RAB27A: variants seen among roughly 807,000 people sequenced by gnomAD.
RAB27A encodes the protein RAB27A, member RAS oncogene family, also known as ras-related protein Rab-27A.
A neutral mutation model predicts 20.8 loss-of-function variants in RAB27A; 17 were observed. The ratio of observed to expected loss-of-function variants is 0.82; its 90% confidence interval spans 0.56 to 1.23. The LOEUF is 1.23. RAB27A is among the 50% of genes most tolerant of loss of function. RAB27A has a pLI of 0.00. For missense variants in RAB27A, 277 were observed against 266.7 expected (o/e 1.04, Z -0.27); for synonymous variants, 85 against 92.8 (o/e 0.92, Z 0.48).
At chr15:55,241,600 T>TTCTTTATATATATATATGTGTATA (rs1388634936) in intron 2 of RAB27A, among the ~76,000 whole-genome samples, 10 of 123,874 alleles carry the variant, frequency 8.1e-5, no homozygotes, top group African/African-American at 3.8e-4. Flanking sequence ...CAAGACCTAT[T>TTCTTTATATATATATATGTGTATA]TATATATATA....
intron 1 of RAB27A, among the ~76,000 whole-genome samples, chr15:55,287,144 T>C (rs1377503313): frequency 6.6e-6 from 1 of 152,024 alleles, no homozygotes; most frequent in African/African-American, 2.4e-5. Flanking sequence ...GGTCTTGAAC[T>C]CCTGACCTCA....
intron 6 of RAB27A, among the ~76,000 whole-genome samples, chr15:55,217,965 A>G (rs1435708608): frequency 3.3e-5 from 5 of 152,222 alleles, no homozygotes; most frequent in Non-Finnish European, 5.9e-5. Flanking sequence ...CAAATCAATG[A>G]GAGGGGCATA....
At chr15:55,217,663 CAAAAAAAAAAA>C (rs199813098) in intron 6 of RAB27A, among the ~76,000 whole-genome samples, 93 of 43,542 alleles carry the variant, frequency 2.1e-3, no homozygotes, top group African/African-American at 6.5e-3. Flanking sequence ...CACTCCATCT[CAAAAAAAAAAA>C]AAAAAAAAAA....
At chr15:55,221,087 C>T (rs1895547783) in intron 6 of RAB27A, among the ~76,000 whole-genome samples, 2 of 152,146 alleles carry the variant, frequency 1.3e-5, no homozygotes, top group Admixed American at 1.3e-4. Flanking sequence ...CTCAGATACC[C>T]CATATGACAG....
intron 1 of RAB27A, chr15:55,318,894 C>T: frequency 4.6e-6 from 1 of 217,434 alleles, no homozygotes; most frequent in Non-Finnish European, 9.3e-6. Context: ...CTGACGTCTA[C>T]AATTACCGTT....
At position 55,247,382 on chromosome 15, in the gene RAB27A, G is replaced by GA. The variant is rs753897606; in HGVS notation, c.-22-12427dup. On this transcript the variant is annotated intron_variant, in intron 2 of 6. Coordinates refer to ENST00000336787, the MANE Select transcript of RAB27A (RefSeq NM_183235.3). The stretch of plus-strand genomic sequence containing the variant: ...ATTACAAATCAGATAGCACTCAAAA[G>GA]AAAAAAAAAAAATCAGATAGCACTC... 4.7e-3 allele frequency among the ~76,000 whole-genome samples: 655 copies of GA among 138,920 alleles called. 5 individuals are homozygous for GA. The highest frequency in any genetic ancestry group is 5.5e-3 in the Admixed American group (77 of 13,944). 91.1% of individuals were successfully genotyped at this position (138,920 alleles called of 152,430 possible). A position where few individuals can be genotyped will look rare whatever the true frequency, so the allele number is the denominator to read the frequency against.
intron 2 of RAB27A, among the ~76,000 whole-genome samples, chr15:55,296,357 G>A (rs1334244644): frequency 5.9e-5 from 9 of 151,878 alleles, no homozygotes; most frequent in South Asian, 2.1e-4. Flanking sequence ...TTAGCTGGGC[G>A]TGGTGGCACA....
intron 2 of RAB27A, among the ~76,000 whole-genome samples, chr15:55,299,990 T>A (rs1409990202): frequency 6.6e-6 from 1 of 151,858 alleles, no homozygotes; most frequent in African/African-American, 2.4e-5. Context: ...CCGGCTAATT[T>A]TTTGTATTTC....
At chr15:55,214,019 C>CT in intron 6 of RAB27A, among the ~76,000 whole-genome samples, 1 of 152,208 alleles carries the variant, frequency 6.6e-6, no homozygotes, top group East Asian at 1.9e-4. Context: ...TGTGTAGGGA[C>CT]ATAAGGCTAT....
chr15:55,310,547 C>A (rs1487310324), intron 2 of RAB27A, among the ~76,000 whole-genome samples: 1 of 152,158 alleles, frequency 6.6e-6, no homozygotes, highest in Non-Finnish European at 1.5e-5. Flanking sequence ...TCCTTGTAGA[C>A]CGCACTGAAA....
chr15:55,316,796 A>G (rs975761971), intron 1 of RAB27A, among the ~76,000 whole-genome samples: 9 of 152,120 alleles, frequency 5.9e-5, no homozygotes, highest in Non-Finnish European at 1.3e-4. Context: ...AACAACATCT[A>G]CCTTCTCTAA....
At chr15:55,221,797 C>T (rs1402420744) in intron 6 of RAB27A, among the ~76,000 whole-genome samples, 1 of 152,164 alleles carries the variant, frequency 6.6e-6, no homozygotes, top group Admixed American at 6.6e-5. Context: ...ACTAGACCTG[C>T]ACCTGGGCCA....
chr15:55,274,820 A>ATATATATATATATATATATATATG (rs1555399471), intron 1 of RAB27A, among the ~76,000 whole-genome samples: 1 of 138,656 alleles, frequency 7.2e-6, no homozygotes, highest in African/African-American at 2.6e-5. Flanking sequence ...ATATATATAT[A>ATATATATATATATATATATATATG]TATATGTATA....
intron 1 of RAB27A, among the ~76,000 whole-genome samples, chr15:55,274,073 C>G (rs1265053629): frequency 1.3e-5 from 2 of 152,060 alleles, no homozygotes; most frequent in Non-Finnish European, 2.9e-5. Flanking sequence ...CGATATGTAA[C>G]TAGAAATCAA....
chr15:55,291,853 C>T (rs889458775), upstream of RAB27A, among the ~76,000 whole-genome samples: 1 of 152,072 alleles, frequency 6.6e-6, no homozygotes, highest in Admixed American at 6.5e-5. Flanking sequence ...ACTTGAGAGA[C>T]CATCGAATAA....
chr15:55,222,105 C>G (rs1158332843), intron 6 of RAB27A, among the ~76,000 whole-genome samples: 3 of 152,172 alleles, frequency 2.0e-5, no homozygotes, highest in Non-Finnish European at 4.4e-5. Context: ...TATAGGTATG[C>G]TTCTTCAAGT....
At chr15:55,281,725 A>C (rs1898020754) in intron 1 of RAB27A, among the ~76,000 whole-genome samples, 1 of 151,284 alleles carries the variant, frequency 6.6e-6, no homozygotes, top group Non-Finnish European at 1.5e-5. Context: ...AGGAAGGGAG[A>C]AGGGAAGGGG....
chr15:55,276,919 G>A (rs1897889606), intron 1 of RAB27A, among the ~76,000 whole-genome samples: 1 of 152,132 alleles, frequency 6.6e-6, no homozygotes, highest in Admixed American at 6.6e-5. Flanking sequence ...TTTCATGGGT[G>A]AATAATTATC....
chr15:55,282,695 C>T (rs1054157959), intron 1 of RAB27A, among the ~76,000 whole-genome samples: 1 of 152,094 alleles, frequency 6.6e-6, no homozygotes, highest in African/African-American at 2.4e-5. Flanking sequence ...TCTCTGGGGT[C>T]CCCTGCTCAT....
Sources: allele counts gnomAD v4.1 joint callset (sites outside exome capture counted in the v4.1 genomes callset), GRCh38; gene constraint gnomAD v4.1.1; transcripts MANE v1.5; gene names NCBI Gene and HGNC (gene_info 2026-07-23, HGNC 2026-07-21).